INVS: variants seen among roughly 807,000 people sequenced by gnomAD.
The protein encoded by INVS is inversin.
INVS carries 86 observed loss-of-function variants against 108.8 expected under a neutral mutation model. The ratio of observed to expected loss-of-function variants is 0.79; its 90% CI spans 0.66 to 0.95. The LOEUF is 0.95. Among genes scored for constraint, INVS ranks in the 40% least tolerant of loss-of-function variants. The pLI, the probability that INVS is intolerant of heterozygous loss-of-function variation, is 0.00. For missense variants in INVS, 1,169 were observed against 1,297.4 expected (o/e 0.90, Z 1.52); for synonymous variants, 455 against 473.5 (o/e 0.96, Z 0.51).
chr9:100,300,682 T>G lies in INVS; in HGVS notation c.*8T>G. On this transcript the variant is annotated 3_prime_UTR_variant, in exon 17 of 17. Transcript: ENST00000262457. ...AACAAAACAAAACCTTGACTGCCTATGGAGGAAGACTGTGTTCGGGGGAGC... is the reference window on the plus strand; with the variant it reads ...AACAAAACAAAACCTTGACTGCCTAGGGAGGAAGACTGTGTTCGGGGGAGC... 6.3e-7 allele frequency: 1 copy of G among 1,591,206 alleles called. No homozygotes were observed. Among genetic ancestry groups the G allele is most frequent in the South Asian group, 1.1e-5 (1 of 90,542 alleles).
chr9:100,282,681 T>A (rs1833317513), intron 12 of INVS, among the ~76,000 whole-genome samples: 1 of 152,204 alleles, frequency 6.6e-6, no homozygotes, highest in African/African-American at 2.4e-5. Flanking sequence ...CTGTGTCTGA[T>A]CCTTAGCTCT....
rs1442722547 is a variant in INVS at position 100,292,687 on chromosome 9, C to T, written c.2430C>T (p.Arg810=). The T allele has an allele frequency of 1.2e-6, 2 of 1,614,176 alleles. No individual in the cohort carries two copies. Among genetic ancestry groups the T allele is most frequent in the Non-Finnish European group, 1.7e-6 (2 of 1,180,022 alleles). Residue 810 remains arginine (R), a synonymous_variant, in exon 14 of 17, where the codon CGC becomes CGT. Coordinates refer to ENST00000262457, the MANE Select transcript of INVS (RefSeq NM_014425.5). ...GGRCSPAGSS[R]PGSARGEAVH... ...GGTGCTCTCCGGCTGGTTCTAGCCG[C>T]CCTGGCAGTGCCCGGGGGGAGGCGG...
At chr9:100,269,894 TAAC>T (rs1832899581) in intron 11 of INVS, among the ~76,000 whole-genome samples, 1 of 152,216 alleles carries the variant, frequency 6.6e-6, no homozygotes. Context: ...CCTGTAATAA[TAAC>T]AATCAGAGCT....
At chr9:100,127,001 G>C (rs1827905851) in intron 3 of INVS, among the ~76,000 whole-genome samples, 2 of 151,922 alleles carry the variant, frequency 1.3e-5, no homozygotes, top group South Asian at 4.2e-4. Context: ...TGAAATCCCA[G>C]CCTGGGCAAC....
intron 11 of INVS, among the ~76,000 whole-genome samples, chr9:100,272,298 A>G (rs1448245747): frequency 6.6e-6 from 1 of 152,150 alleles, no homozygotes; most frequent in African/African-American, 2.4e-5. Context: ...TCTATCCAGA[A>G]TTTATTTTGG....
At chr9:100,106,963 G>A (rs953873336) in intron 2 of INVS, among the ~76,000 whole-genome samples, 41 of 152,080 alleles carry the variant, frequency 2.7e-4, no homozygotes, top group African/African-American at 7.7e-4. Context: ...AAGAATGAAA[G>A]AATGAATGGG....
At chr9:100,270,905 C>CA (rs1832935073) in intron 11 of INVS, among the ~76,000 whole-genome samples, 1 of 146,412 alleles carries the variant, frequency 6.8e-6, no homozygotes, top group Non-Finnish European at 1.5e-5. Context: ...GCCTGGGCAA[C>CA]AGAGTGAGAC....
At chr9:100,175,348 C>T (rs986456053) in intron 3 of INVS, 9 of 747,354 alleles carry the variant, frequency 1.2e-5, no homozygotes, top group South Asian at 4.1e-5. Flanking sequence ...AATTCTTTCA[C>T]GAGTCCCAAA....
At chr9:100,164,003 G>A (rs1829275990) in intron 3 of INVS, among the ~76,000 whole-genome samples, 1 of 152,240 alleles carries the variant, frequency 6.6e-6, no homozygotes, top group Non-Finnish European at 1.5e-5. Flanking sequence ...ACTGTCAAAG[G>A]ATGAAAGCAG....
At chr9:100,133,845 G>A (rs1052056388) in intron 3 of INVS, among the ~76,000 whole-genome samples, 1 of 145,590 alleles carries the variant, frequency 6.9e-6, no homozygotes, top group Non-Finnish European at 1.5e-5. Flanking sequence ...CCCAGCCCCG[G>A]TAATACCTAA....
At chr9:100,193,284 A>C (rs1278218781) in intron 3 of INVS, among the ~76,000 whole-genome samples, 1 of 152,152 alleles carries the variant, frequency 6.6e-6, no homozygotes, top group African/African-American at 2.4e-5. Flanking sequence ...CCAGTCAGCA[A>C]TATATTTTGA....
At chr9:100,118,053 T>A (rs966994346) in intron 2 of INVS, among the ~76,000 whole-genome samples, 3 of 151,138 alleles carry the variant, frequency 2.0e-5, no homozygotes, top group Non-Finnish European at 4.4e-5. Context: ...CCAAGACAGA[T>A]TTTTTCTTTT....
intron 3 of INVS, among the ~76,000 whole-genome samples, chr9:100,212,644 A>G (rs1830868036): frequency 6.6e-6 from 1 of 151,768 alleles, no homozygotes; most frequent in African/African-American, 2.4e-5. Context: ...AACACCCTCT[A>G]TCTGGTAGCC....
intron 3 of INVS, among the ~76,000 whole-genome samples, chr9:100,165,945 C>T (rs1415777683): frequency 6.6e-6 from 1 of 152,056 alleles, no homozygotes; most frequent in East Asian, 1.9e-4. Context: ...CTCACTGCTA[C>T]CAGGTTGGTG....
At chr9:100,177,477 G>A (rs560141751) in intron 3 of INVS, among the ~76,000 whole-genome samples, 1 of 152,308 alleles carries the variant, frequency 6.6e-6, no homozygotes, top group South Asian at 2.1e-4. Context: ...TCAGTAGGCA[G>A]TTTTCCCCTC....
intron 3 of INVS, among the ~76,000 whole-genome samples, chr9:100,147,777 C>G (rs909438438): frequency 1.3e-5 from 2 of 151,788 alleles, no homozygotes; most frequent in Admixed American, 1.3e-4. Flanking sequence ...AAAAGAATGA[C>G]GATGGTGTCT....
intron 3 of INVS, among the ~76,000 whole-genome samples, chr9:100,161,376 A>ACAACAAAAAAAAAAC (rs1483081801): frequency 1.4e-5 from 2 of 147,966 alleles, no homozygotes; most frequent in African/African-American, 5.1e-5. Flanking sequence ...AAAAAAAAAA[A>ACAACAAAAAAAAAAC]AAAAAAAAAA....
intron 14 of INVS, among the ~76,000 whole-genome samples, chr9:100,293,985 C>T (rs2806701): frequency 0.52 from 79,290 of 151,876 alleles, 21,640 homozygotes; most frequent in African/African-American, 0.59. Flanking sequence ...CCAGGAAACA[C>T]GGCCAAACTC....
intron 3 of INVS, among the ~76,000 whole-genome samples, chr9:100,192,978 C>CTT (rs59924532): frequency 0.19 from 25,397 of 136,792 alleles, 3,795 homozygotes; most frequent in African/African-American, 0.42. Context: ...ATACCAATGT[C>CTT]TTTTTTTTTT....
Sources: allele counts gnomAD v4.1 joint callset (sites outside exome capture counted in the v4.1 genomes callset), GRCh38; gene constraint gnomAD v4.1.1; transcripts MANE v1.5; gene names NCBI Gene and HGNC (gene_info 2026-07-23, HGNC 2026-07-21).